Variants in CACNA2D1 observed in about 807,000 individuals in gnomAD.
CACNA2D1 encodes voltage-dependent calcium channel subunit alpha-2/delta-1.
CACNA2D1 carries 53 observed loss-of-function variants against 171.5 expected under a neutral mutation model. The ratio of observed to expected loss-of-function variants is 0.31; its 90% CI spans 0.25 to 0.39. The LOEUF is 0.39. Among genes scored for constraint, CACNA2D1 ranks in the 10% least tolerant of loss-of-function variants. CACNA2D1 has a pLI of 1.00. For missense variants in CACNA2D1, 903 were observed against 1,299.8 expected, an observed-to-expected ratio of 0.69 and a Z score of 4.69; for synonymous variants, 442 against 443.1, an observed-to-expected ratio of 1.00 and a Z score of 0.03.
chr7:82,024,714 C>T (rs1801661920), intron 12 of CACNA2D1, among the ~76,000 whole-genome samples: 1 of 151,522 alleles, frequency 6.6e-6, no homozygotes, highest in African/African-American at 2.4e-5. Flanking sequence ...GAAATCATTA[C>T]CAAAATAAAT....
chr7:82,107,092 T>C (rs1787852515), intron 6 of CACNA2D1, among the ~76,000 whole-genome samples: 1 of 152,000 alleles, frequency 6.6e-6, no homozygotes, highest in African/African-American at 2.4e-5. Context: ...AGATACAGAG[T>C]AAAACATTAA....
chr7:81,974,473 T>C lies in CACNA2D1; in HGVS notation c.2035A>G (p.Thr679Ala). The stretch of plus-strand genomic sequence containing the variant: ...TACTTACATGATGGGTTGTTTGGAG[T>C]TTTTCTATCAATAAACTCGTTGAAA... ...LNFNEFIDRK[T>A]PNNPSCNADL... Residue 679 changes from threonine (T) to alanine (A), a missense_variant, in exon 25 of 39, where the codon ACT (threonine) becomes GCT (alanine). By Grantham distance (58) the Thr-to-Ala change is moderately conservative. This residue lies in a region of CACNA2D1 where 623 missense variants were observed against 925.5 expected (regional missense o/e 0.67). Transcript: ENST00000356860. 1 of 1,552,114 alleles carries C rather than the reference T, an allele frequency of 6.4e-7. No homozygotes were observed.
chr7:82,222,950 A>G (rs996046329), intron 3 of CACNA2D1, among the ~76,000 whole-genome samples: 6 of 124,172 alleles, frequency 4.8e-5, no homozygotes, highest in Admixed American at 4.6e-4. Context: ...GTTTCACTCT[A>G]TTGCCCAGGC....
chr7:82,197,648 C>T (rs1008538676), intron 3 of CACNA2D1, among the ~76,000 whole-genome samples: 3 of 152,030 alleles, frequency 2.0e-5, no homozygotes, highest in African/African-American at 7.2e-5. Context: ...TCTGTTGTTA[C>T]GTGGCATGTG....
intron 3 of CACNA2D1, among the ~76,000 whole-genome samples, chr7:82,297,811 T>A (rs1812485352): frequency 6.6e-6 from 1 of 152,152 alleles, no homozygotes; most frequent in South Asian, 2.1e-4. Context: ...AAACGACTAA[T>A]AAGCAATCTT....
intron 3 of CACNA2D1, among the ~76,000 whole-genome samples, chr7:82,279,605 A>C (rs1363029211): frequency 6.6e-6 from 1 of 152,186 alleles, no homozygotes; most frequent in Non-Finnish European, 1.5e-5. Context: ...TATAGGACTA[A>C]AACTAAACAG....
At chr7:82,207,671 G>A (rs1800149697) in intron 3 of CACNA2D1, among the ~76,000 whole-genome samples, 1 of 152,140 alleles carries the variant, frequency 6.6e-6, no homozygotes. Context: ...ATAGTCACCT[G>A]CTGGTAGCTC....
At chr7:82,249,058 G>C (rs1458994534) in intron 3 of CACNA2D1, among the ~76,000 whole-genome samples, 1 of 151,486 alleles carries the variant, frequency 6.6e-6, no homozygotes, top group Non-Finnish European at 1.5e-5. Context: ...GGAGTTTGCA[G>C]TGAGCTGAGA....
intron 3 of CACNA2D1, among the ~76,000 whole-genome samples, chr7:82,180,546 T>C (rs74335076): frequency 0.05 from 7,584 of 152,192 alleles, 331 homozygotes; most frequent in African/African-American, 0.11. Context: ...ACACCCATGT[T>C]GTACTTTTTG....
At chr7:82,376,549 T>G (rs185234022) in intron 1 of CACNA2D1, among the ~76,000 whole-genome samples, 1 of 152,238 alleles carries the variant, frequency 6.6e-6, no homozygotes. Flanking sequence ...GGGTCAGCAA[T>G]GATTAAACTC....
intron 1 of CACNA2D1, among the ~76,000 whole-genome samples, chr7:82,415,462 A>G (rs1828075365): frequency 6.6e-6 from 1 of 152,000 alleles, no homozygotes; most frequent in Non-Finnish European, 1.5e-5. Context: ...TGAACCCAGG[A>G]GGCATTGCAA....
chr7:82,381,117 C>G (rs890041844), intron 1 of CACNA2D1, among the ~76,000 whole-genome samples: 1 of 151,940 alleles, frequency 6.6e-6, no homozygotes, highest in African/African-American at 2.4e-5. Flanking sequence ...TCGAGACCAT[C>G]CTGCTTAACA....
intron 3 of CACNA2D1, among the ~76,000 whole-genome samples, chr7:82,332,058 T>C (rs893551023): frequency 6.6e-6 from 1 of 152,150 alleles, no homozygotes; most frequent in South Asian, 2.1e-4. Context: ...TATTTATTTA[T>C]TTACTTATTT....
chr7:82,015,667 T>C (rs1359211650), intron 12 of CACNA2D1, among the ~76,000 whole-genome samples: 1 of 152,216 alleles, frequency 6.6e-6, no homozygotes, highest in African/African-American at 2.4e-5. Context: ...CACTTTTCCA[T>C]GAGTTCAAAT....
chr7:82,363,269 T>TTTTTTTTTTTTTTTTTTTTTTTG (rs1821293820), intron 1 of CACNA2D1, among the ~76,000 whole-genome samples: 1 of 122,836 alleles, frequency 8.1e-6, no homozygotes, highest in African/African-American at 3.5e-5. Context: ...TTTTTTTTTT[T>TTTTTTTTTTTTTTTTTTTTTTTG]TTTTTTTTTT....
At chr7:82,152,656 C>T (rs1311163483) in intron 4 of CACNA2D1, among the ~76,000 whole-genome samples, 1 of 151,906 alleles carries the variant, frequency 6.6e-6, no homozygotes, top group Non-Finnish European at 1.5e-5. Flanking sequence ...GAGAATGCTA[C>T]ATCACTAAAC....
chr7:82,237,192 T>TA (rs1359903192), intron 3 of CACNA2D1, among the ~76,000 whole-genome samples: 2 of 151,744 alleles, frequency 1.3e-5, no homozygotes, highest in Admixed American at 6.6e-5. Context: ...TTCTAAATTC[T>TA]AAAAAAAATT....
chr7:82,217,390 C>CATATATATATAT (rs1199331212), intron 3 of CACNA2D1, among the ~76,000 whole-genome samples: 13 of 54,434 alleles, frequency 2.4e-4, no homozygotes, highest in African/African-American at 1.3e-3. Flanking sequence ...CACACACACA[C>CATATATATATAT]ATACATATAT....
At chr7:82,066,602 C>T in intron 7 of CACNA2D1, 78 bp from the exon 8 acceptor site, 1 of 1,498,146 alleles carries the variant, frequency 6.7e-7, no homozygotes, top group Non-Finnish European at 8.9e-7. Flanking sequence ...TTAAAAATCA[C>T]AAAAAGCAAT....
Sources: allele counts gnomAD v4.1 joint callset (sites outside exome capture counted in the v4.1 genomes callset), GRCh38; gene constraint gnomAD v4.1.1; regional missense constraint gnomAD v4.1.1; transcripts MANE v1.5; gene names NCBI Gene and HGNC (gene_info 2026-07-23, HGNC 2026-07-21).